Variants in PIP4P2 observed in about 807,000 individuals in gnomAD.
PIP4P2 encodes phosphatidylinositol-4,5-bisphosphate 4-phosphatase 2, also known as type 2 phosphatidylinositol 4,5-bisphosphate 4-phosphatase.
PIP4P2 carries 19 observed loss-of-function variants against 33.3 expected under a neutral mutation model. The ratio of observed to expected loss-of-function variants is 0.57; its 90% confidence interval spans 0.40 to 0.84. The LOEUF (loss-of-function observed/expected upper bound fraction) is 0.84. Ranked by LOEUF, PIP4P2 falls within the 40% of genes least tolerant of loss-of-function variation. The probability of loss-of-function intolerance (pLI) is 0.00; values close to 1 mark genes in which losing one functional copy is unlikely to be tolerated. For missense variants in PIP4P2, 270 were observed against 324.7 expected (o/e 0.83, Z 1.29); for synonymous variants, 110 against 111.9 (o/e 0.98, Z 0.11).
Position 90,994,691 on chromosome 8 carries a change from G to C in PIP4P2, c.*986C>G, listed in dbSNP as rs1217243076. 6.6e-6 allele frequency: 1 copy of C among 152,262 alleles called. No individual in the cohort carries two copies. The allele number at this position is 152,262 out of a possible 1,614,324, so 9.4% of individuals were successfully genotyped here. ...GTTACCTTTGAGAAGAATAGTAAAA[G>C]TACCTCTAATCTCAACATTTTAGCT... is the stretch of plus-strand genomic sequence containing the variant. On this transcript the variant is annotated 3_prime_UTR_variant, in exon 7 of 7. Transcript: ENST00000285419.
intron 1 of PIP4P2, among the ~76,000 whole-genome samples, chr8:91,035,909 G>C (rs1420619343): frequency 6.6e-6 from 1 of 152,016 alleles, no homozygotes; most frequent in Non-Finnish European, 1.5e-5. Context: ...CTACTCAGGA[G>C]ACTGAGGTGG....
intron 5 of PIP4P2, among the ~76,000 whole-genome samples, chr8:90,999,991 A>T (rs1409515506): frequency 6.6e-6 from 1 of 151,838 alleles, no homozygotes; most frequent in Non-Finnish European, 1.5e-5. Context: ...GACTTCTTTT[A>T]TATTGACCAT....
chr8:91,001,008 G>A (rs950336812), intron 5 of PIP4P2, among the ~76,000 whole-genome samples: 6 of 151,770 alleles, frequency 4.0e-5, no homozygotes, highest in Non-Finnish European at 7.4e-5. Context: ...TAAACCGTAC[G>A]TGCATTTTAA....
chr8:91,015,232 G>A (rs959249646), intron 4 of PIP4P2, among the ~76,000 whole-genome samples: 1 of 152,054 alleles, frequency 6.6e-6, no homozygotes, highest in Admixed American at 6.6e-5. Context: ...TCTTTCCCCA[G>A]AGAAATCTGC....
At chr8:91,007,247 A>G (rs1033383940) in intron 5 of PIP4P2, among the ~76,000 whole-genome samples, 7 of 152,214 alleles carry the variant, frequency 4.6e-5, no homozygotes, top group Non-Finnish European at 1.0e-4. Context: ...AGGAATCAGA[A>G]TGATTAATTT....
intron 1 of PIP4P2, among the ~76,000 whole-genome samples, chr8:91,033,803 A>AGAGC (rs1812201136): frequency 6.6e-6 from 1 of 152,102 alleles, no homozygotes; most frequent in Non-Finnish European, 1.5e-5. Flanking sequence ...TTTTTGAGAC[A>AGAGC]GAGTCTCACT....
At chr8:90,997,653 C>T (rs535844135) in intron 5 of PIP4P2, among the ~76,000 whole-genome samples, 6 of 152,018 alleles carry the variant, frequency 3.9e-5, no homozygotes, top group Non-Finnish European at 7.4e-5. Flanking sequence ...TCTGTCTTAA[C>T]GTACATATAT....
At chr8:91,019,374 T>A (rs1811966737) in intron 3 of PIP4P2, among the ~76,000 whole-genome samples, 1 of 96,454 alleles carries the variant, frequency 1.0e-5, no homozygotes, top group Non-Finnish European at 1.9e-5. Flanking sequence ...GCCCGGGCAA[T>A]ATGGTGAAAC....
chr8:91,003,409 T>G (rs925508929), intron 5 of PIP4P2, among the ~76,000 whole-genome samples: 2 of 152,222 alleles, frequency 1.3e-5, no homozygotes, highest in Admixed American at 6.5e-5. Flanking sequence ...TATTACCATT[T>G]AAATATGGAG....
At chr8:91,008,920 T>C (rs1315948933) in intron 4 of PIP4P2, 125 bp from the exon 5 acceptor site, 1 of 695,032 alleles carries the variant, frequency 1.4e-6, no homozygotes, top group African/African-American at 1.8e-5. Context: ...TTCTCACGGT[T>C]ACATGAGTTT....
intron 4 of PIP4P2, among the ~76,000 whole-genome samples, chr8:91,017,452 A>T (rs191741990): frequency 1.3e-5 from 2 of 152,194 alleles, no homozygotes; most frequent in East Asian, 3.9e-4. Context: ...AAATAAACAC[A>T]TAGAAGTGAC....
At chr8:91,035,771 G>A (rs1488105033) in intron 1 of PIP4P2, among the ~76,000 whole-genome samples, 5 of 152,136 alleles carry the variant, frequency 3.3e-5, no homozygotes, top group Non-Finnish European at 7.4e-5. Flanking sequence ...GCTCATGCCT[G>A]TAATCCTGGC....
chr8:91,033,820 C>A (rs563367201), intron 1 of PIP4P2, among the ~76,000 whole-genome samples: 4 of 152,218 alleles, frequency 2.6e-5, no homozygotes, highest in Admixed American at 2.0e-4. Context: ...CACTCTGTTG[C>A]GCAGGCTGGA....
At chr8:91,039,128 C>T (rs549613548) in intron 1 of PIP4P2, among the ~76,000 whole-genome samples, 1 of 152,208 alleles carries the variant, frequency 6.6e-6, no homozygotes, top group South Asian at 2.1e-4. Flanking sequence ...CCTAATAAAC[C>T]GCCAAACATT....
chr8:91,002,461 A>G (rs1811711383), intron 5 of PIP4P2, among the ~76,000 whole-genome samples: 1 of 152,180 alleles, frequency 6.6e-6, no homozygotes, highest in Non-Finnish European at 1.5e-5. Context: ...GAACACCTGG[A>G]AAATGGTAGT....
chr8:91,006,730 AGGCTGAGAC>A (rs1811769449), intron 5 of PIP4P2, among the ~76,000 whole-genome samples: 1 of 152,168 alleles, frequency 6.6e-6, no homozygotes, highest in Admixed American at 6.5e-5. Flanking sequence ...GCACTTTGGG[AGGCTGAGAC>A]GGGTGAATCA....
At chr8:91,034,766 A>G (rs1464546308) in intron 1 of PIP4P2, among the ~76,000 whole-genome samples, 1 of 152,200 alleles carries the variant, frequency 6.6e-6, no homozygotes, top group Non-Finnish European at 1.5e-5. Flanking sequence ...GCATGTGGTA[A>G]GAGTCCCTGG....
intron 1 of PIP4P2, among the ~76,000 whole-genome samples, chr8:91,030,282 A>AT (rs1812146130): frequency 6.6e-6 from 1 of 152,064 alleles, no homozygotes; most frequent in Non-Finnish European, 1.5e-5. Flanking sequence ...GTATGAGGCA[A>AT]TGAGTATGGT....
At chr8:91,019,468 C>T (rs1249499172) in intron 3 of PIP4P2, among the ~76,000 whole-genome samples, 1 of 143,752 alleles carries the variant, frequency 7.0e-6, no homozygotes, top group African/African-American at 2.6e-5. Flanking sequence ...GTCCCAGCTA[C>T]TCAGGAGGAG....
Sources: allele counts gnomAD v4.1 joint callset (sites outside exome capture counted in the v4.1 genomes callset), GRCh38; gene constraint gnomAD v4.1.1; transcripts MANE v1.5; gene names NCBI Gene and HGNC (gene_info 2026-07-23, HGNC 2026-07-21).